The following CNTNAP2 variants were observed in gnomAD, a reference collection of about 807,000 sequenced individuals.
CNTNAP2 encodes contactin associated protein 2.
A neutral mutation model predicts 155.2 loss-of-function variants in CNTNAP2; 98 were observed. The observed-to-expected ratio is 0.63, with a 90% CI of 0.54 to 0.75. The LOEUF is 0.75. Among genes scored for constraint, CNTNAP2 ranks in the 30% least tolerant of loss-of-function variants. CNTNAP2 has a pLI of 0.00. For missense variants in CNTNAP2, 1,727 were observed against 1,688.1 expected, an observed-to-expected ratio of 1.02 and a Z score of -0.40; for synonymous variants, 651 against 631.2, an observed-to-expected ratio of 1.03 and a Z score of -0.47.
chr7:147,932,162 A>T (rs1280351834), intron 14 of CNTNAP2, among the ~76,000 whole-genome samples: 1 of 152,178 alleles, frequency 6.6e-6, no homozygotes, highest in Non-Finnish European at 1.5e-5. Flanking sequence ...CGAAACTTAC[A>T]GGCATGAGCC....
At chr7:147,329,503 T>A (rs185765655) in intron 9 of CNTNAP2, among the ~76,000 whole-genome samples, 3 of 152,268 alleles carry the variant, frequency 2.0e-5, no homozygotes, top group African/African-American at 7.2e-5. Context: ...CTGAATGTTG[T>A]AAGCAGCTAG....
At chr7:147,644,074 C>T (rs1317956360) in intron 13 of CNTNAP2, among the ~76,000 whole-genome samples, 1 of 152,010 alleles carries the variant, frequency 6.6e-6, no homozygotes, top group South Asian at 2.1e-4. Flanking sequence ...CTCAGCTTTA[C>T]AAAATACACA....
chr7:146,995,959 A>C (rs1335223786), intron 3 of CNTNAP2, among the ~76,000 whole-genome samples: 1 of 152,038 alleles, frequency 6.6e-6, no homozygotes, highest in African/African-American at 2.4e-5. Context: ...AAACAAAACA[A>C]ACCTTGCCCA....
At chr7:147,942,004 G>A (rs909594161) in intron 14 of CNTNAP2, among the ~76,000 whole-genome samples, 1 of 152,232 alleles carries the variant, frequency 6.6e-6, no homozygotes, top group Non-Finnish European at 1.5e-5. Flanking sequence ...GTCCAGGTTA[G>A]TACCTCATTA....
intron 21 of CNTNAP2, among the ~76,000 whole-genome samples, chr7:148,350,689 A>G (rs1426754297): frequency 6.6e-6 from 1 of 152,136 alleles, no homozygotes; most frequent in Non-Finnish European, 1.5e-5. Flanking sequence ...GATCGAGTTT[A>G]TTTCTTGTAA....
rs959910048 is a variant in CNTNAP2 at position 146,799,236 on chromosome 7, C to A, written c.208+24855C>A. ...AATGAAGTCTGTAGAATCTGGGGACCTTCCCTTGACTAAAAATGAGTTTCC... is the reference window on the plus strand; with the variant it reads ...AATGAAGTCTGTAGAATCTGGGGACATTCCCTTGACTAAAAATGAGTTTCC... On this transcript the variant is annotated intron_variant, in intron 2 of 23. Transcript: ENST00000361727. Among the ~76,000 whole-genome samples the A allele has an allele frequency of 3.3e-5, 5 of 152,134 alleles. No individual in the cohort carries two copies. The South Asian group carries it at 8.3e-4, about 25-fold the overall frequency.
intron 1 of CNTNAP2, among the ~76,000 whole-genome samples, chr7:146,309,824 AAAGGAAAGG>A (rs1800787841): frequency 7.1e-6 from 1 of 140,296 alleles, no homozygotes; most frequent in Admixed American, 6.8e-5. Context: ...AAGAAAGAAG[AAAGGAAAGG>A]AAGGAAGGAA....
intron 21 of CNTNAP2, among the ~76,000 whole-genome samples, chr7:148,309,885 C>A (rs1196868715): frequency 2.6e-4 from 40 of 151,874 alleles, no homozygotes; most frequent in Admixed American, 2.6e-3. Flanking sequence ...AGTGTTGGGA[C>A]GGCAAAAATT....
At chr7:147,920,889 A>G (rs1800265777) in intron 14 of CNTNAP2, among the ~76,000 whole-genome samples, 2 of 145,130 alleles carry the variant, frequency 1.4e-5, no homozygotes, top group African/African-American at 5.2e-5. Flanking sequence ...AGCTCACTGC[A>G]AGCTCTGCCT....
At chr7:148,288,201 G>A (rs148708062) in intron 21 of CNTNAP2, among the ~76,000 whole-genome samples, 8,261 of 150,260 alleles carry the variant, frequency 0.055, 321 homozygotes, top group African/African-American at 0.11. Flanking sequence ...CCAGCTTCAA[G>A]TGATTCTCCT....
chr7:146,326,021 C>T (rs568622267), intron 1 of CNTNAP2, among the ~76,000 whole-genome samples: 1 of 152,254 alleles, frequency 6.6e-6, no homozygotes, highest in South Asian at 2.1e-4. Flanking sequence ...AAGTTATATT[C>T]TAACTAACAG....
chr7:147,112,485 A>G (rs1015848806), intron 5 of CNTNAP2, among the ~76,000 whole-genome samples: 1 of 152,172 alleles, frequency 6.6e-6, no homozygotes, highest in African/African-American at 2.4e-5. Context: ...TTCCCCATTC[A>G]GTATGATATT....
chr7:148,270,282 C>T (rs1300778782), intron 21 of CNTNAP2, among the ~76,000 whole-genome samples: 4 of 152,200 alleles, frequency 2.6e-5, no homozygotes, highest in African/African-American at 9.7e-5. Context: ...AGGTTACACC[C>T]TGTATTTTTT....
At chr7:147,481,224 C>T (rs571615986) in intron 10 of CNTNAP2, among the ~76,000 whole-genome samples, 3 of 152,298 alleles carry the variant, frequency 2.0e-5, no homozygotes, top group African/African-American at 7.2e-5. Context: ...ATTACCAAGG[C>T]ATACAGTTAT....
intron 3 of CNTNAP2, among the ~76,000 whole-genome samples, chr7:146,933,138 T>G (rs1219108057): frequency 1.3e-5 from 2 of 151,914 alleles, no homozygotes; most frequent in African/African-American, 4.8e-5. Context: ...AAGTCAATCC[T>G]AAGCCAAAAG....
chr7:147,978,291 A>T (rs1801465550), intron 15 of CNTNAP2: 1 of 392,524 alleles, frequency 2.5e-6, no homozygotes, highest in African/African-American at 2.1e-5. Context: ...GCAGTACTCA[A>T]CAGCTGTGAT....
At chr7:146,254,921 A>C (rs1048447505) in intron 1 of CNTNAP2, among the ~76,000 whole-genome samples, 2 of 152,168 alleles carry the variant, frequency 1.3e-5, no homozygotes, top group Non-Finnish European at 1.5e-5. Context: ...AGACAACTTA[A>C]ATTGGAAACA....
At chr7:147,660,662 C>T (rs991270690) in intron 13 of CNTNAP2, among the ~76,000 whole-genome samples, 3 of 152,248 alleles carry the variant, frequency 2.0e-5, no homozygotes, top group Admixed American at 1.3e-4. Flanking sequence ...TGATCATCTG[C>T]TCTCTTTAAG....
chr7:146,426,185 CAAAAAAAAA>C (rs57484419), intron 1 of CNTNAP2, among the ~76,000 whole-genome samples: 1 of 54,634 alleles, frequency 1.8e-5, no homozygotes, highest in South Asian at 8.2e-4. Context: ...GACTTCGCCT[CAAAAAAAAA>C]AAAAAAAAAA....
Sources: allele counts gnomAD v4.1 joint callset (sites outside exome capture counted in the v4.1 genomes callset), GRCh38; gene constraint gnomAD v4.1.1; transcripts MANE v1.5; gene names NCBI Gene and HGNC (gene_info 2026-07-23, HGNC 2026-07-21).